Variants in HMBOX1 observed in about 807,000 individuals in gnomAD.
HMBOX1 encodes the protein homeobox containing 1.
A neutral mutation model predicts 54.5 loss-of-function variants in HMBOX1; 14 were observed. That is an observed-to-expected ratio of 0.26 (90% CI 0.17 to 0.40). The LOEUF (loss-of-function observed/expected upper bound fraction) is 0.40. HMBOX1 is among the 10% of genes least tolerant of loss of function. The probability of loss-of-function intolerance (pLI) is 1.00; values close to 1 mark genes in which losing one functional copy is unlikely to be tolerated. For synonymous variants in HMBOX1, 160 were observed against 181.0 expected (o/e 0.88, Z 0.93); for missense variants, 332 against 514.4 (o/e 0.65, Z 3.43).
intron 4 of HMBOX1, among the ~76,000 whole-genome samples, chr8:28,991,300 T>C (rs1830950406): frequency 6.6e-6 from 1 of 152,212 alleles, no homozygotes; most frequent in South Asian, 2.1e-4. Flanking sequence ...CTCTTGCCAG[T>C]TGCCTAAAAT....
chr8:29,025,345 T>C (rs941405847), intron 6 of HMBOX1, among the ~76,000 whole-genome samples: 1 of 152,124 alleles, frequency 6.6e-6, no homozygotes, highest in African/African-American at 2.4e-5. Flanking sequence ...AGGTGCCACA[T>C]TTATGAAGAG....
At chr8:28,999,431 A>G (rs1481316879) in intron 4 of HMBOX1, among the ~76,000 whole-genome samples, 3 of 152,100 alleles carry the variant, frequency 2.0e-5, no homozygotes, top group Admixed American at 6.5e-5. Context: ...AATGTTTTTC[A>G]TCAAATTTGG....
At chr8:29,025,514 G>A (rs1429855874) in intron 6 of HMBOX1, among the ~76,000 whole-genome samples, 3 of 152,222 alleles carry the variant, frequency 2.0e-5, no homozygotes, top group Non-Finnish European at 4.4e-5. Flanking sequence ...GAGATAATAT[G>A]TGCAAATCAC....
intron 6 of HMBOX1, among the ~76,000 whole-genome samples, chr8:29,027,853 C>A (rs1802309740): frequency 6.6e-6 from 1 of 152,100 alleles, no homozygotes; most frequent in South Asian, 2.1e-4. Flanking sequence ...AAATTAAATG[C>A]TAATGAAGGC....
chr8:28,896,201 G>A (rs1812080410), intron 1 of HMBOX1, among the ~76,000 whole-genome samples: 1 of 152,216 alleles, frequency 6.6e-6, no homozygotes, highest in African/African-American at 2.4e-5. Context: ...GTGCTGGCAA[G>A]TCCTTAGGAT....
chr8:28,922,283 C>T (rs577109540), intron 1 of HMBOX1, among the ~76,000 whole-genome samples: 47 of 152,058 alleles, frequency 3.1e-4, no homozygotes, highest in African/African-American at 1.0e-3. Context: ...AGAGGTTGTG[C>T]GTAGGTTCTT....
At chr8:28,974,509 C>T (rs1828051182) in intron 3 of HMBOX1, among the ~76,000 whole-genome samples, 1 of 152,002 alleles carries the variant, frequency 6.6e-6, no homozygotes, top group Non-Finnish European at 1.5e-5. Context: ...TTCTTAACAA[C>T]CCATGTACTA....
chr8:28,894,854 G>A (rs1811776824), intron 1 of HMBOX1, among the ~76,000 whole-genome samples: 1 of 151,620 alleles, frequency 6.6e-6, no homozygotes, highest in African/African-American at 2.4e-5. Flanking sequence ...TAATAAAGTT[G>A]AAGTTACATT....
Position 28,963,805 on chromosome 8 carries a change from C to T in HMBOX1, c.-57-6C>T, listed in dbSNP as rs1825993552. The T allele has an allele frequency of 1.5e-6, 2 of 1,338,046 alleles. No individual in the cohort carries two copies. The highest frequency in any genetic ancestry group is 1.4e-5 in the African/African-American group (1 of 68,978). The allele number at this position is 1,338,046 out of a possible 1,614,324, so 82.9% of individuals were successfully genotyped here. On this transcript the variant is annotated splice_region_variant and splice_polypyrimidine_tract_variant and intron_variant, in intron 1 of 9. Transcript: ENST00000287701. ...TGTTTCTCAATTTTCTATCTTTGTT[C>T]TACAGAATGGTAGATAACGCAGATC...
chr8:28,999,180 CA>C (rs1832283406), intron 4 of HMBOX1, among the ~76,000 whole-genome samples: 1 of 152,140 alleles, frequency 6.6e-6, no homozygotes. Flanking sequence ...CTGCTGAGAG[CA>C]TATTTTCTGT....
intron 5 of HMBOX1, chr8:29,009,809 A>G (rs1291104846): frequency 2.4e-6 from 3 of 1,251,408 alleles, no homozygotes; most frequent in African/African-American, 3.2e-5. Flanking sequence ...AGATCTATTC[A>G]AGATACTAAC....
intron 4 of HMBOX1, among the ~76,000 whole-genome samples, chr8:28,985,108 T>C (rs1258546584): frequency 6.6e-6 from 1 of 152,232 alleles, no homozygotes; most frequent in Non-Finnish European, 1.5e-5. Flanking sequence ...GGTTCTTTCT[T>C]AGTTCCATTT....
intron 4 of HMBOX1, among the ~76,000 whole-genome samples, chr8:29,004,690 C>T (rs932044773): frequency 6.6e-6 from 1 of 152,162 alleles, no homozygotes; most frequent in African/African-American, 2.4e-5. Context: ...TTTTTCTTTT[C>T]CTCTGCCCTG....
At chr8:28,920,396 A>C (rs912246565) in intron 1 of HMBOX1, among the ~76,000 whole-genome samples, 3 of 152,160 alleles carry the variant, frequency 2.0e-5, no homozygotes, top group Non-Finnish European at 4.4e-5. Context: ...CCTAGGCAGT[A>C]TTTGCCTGAA....
intron 4 of HMBOX1, among the ~76,000 whole-genome samples, chr8:28,995,346 A>G (rs1206830489): frequency 1.3e-5 from 2 of 152,196 alleles, no homozygotes; most frequent in Admixed American, 1.3e-4. Flanking sequence ...ATGCATCAGT[A>G]CTTCATTCCT....
At chr8:29,032,288 G>T (rs573878723) in intron 6 of HMBOX1, among the ~76,000 whole-genome samples, 4 of 150,244 alleles carry the variant, frequency 2.7e-5, no homozygotes, top group African/African-American at 9.8e-5. Flanking sequence ...GGAGGAGGGG[G>T]GTGGATTTTC....
At chr8:28,961,485 C>T (rs1197359170) in intron 1 of HMBOX1, among the ~76,000 whole-genome samples, 6 of 152,184 alleles carry the variant, frequency 3.9e-5, no homozygotes, top group South Asian at 2.1e-4. Flanking sequence ...TGGGTTGTTT[C>T]GCTTAGCATC....
intron 2 of HMBOX1, among the ~76,000 whole-genome samples, chr8:28,966,004 C>T (rs1826373897): frequency 6.6e-6 from 1 of 151,874 alleles, no homozygotes; most frequent in African/African-American, 2.4e-5. Context: ...ATAAAGACAG[C>T]AGAATTGAGC....
At chr8:28,934,321 A>G (rs1820009023) in intron 1 of HMBOX1, among the ~76,000 whole-genome samples, 1 of 152,222 alleles carries the variant, frequency 6.6e-6, no homozygotes, top group African/African-American at 2.4e-5. Flanking sequence ...TTAAACTGAT[A>G]GAGGGTTTCT....
Sources: gnomAD v4.1 joint callset for allele counts (sites outside exome capture counted in the v4.1 genomes callset) on GRCh38, gnomAD v4.1.1 for gene constraint, MANE v1.5 for transcripts, NCBI Gene and HGNC (gene_info 2026-07-23, HGNC 2026-07-21) for gene names.